The following ABCA2 variants were observed in gnomAD, a reference collection of about 807,000 sequenced individuals.
ABCA2 encodes ATP-binding cassette sub-family A member 2.
Under a neutral mutation model 262.8 loss-of-function variants are expected in ABCA2, and 84 were observed. That is an observed-to-expected ratio of 0.32 (90% CI 0.27 to 0.38). The LOEUF is 0.38. Among genes scored for constraint, ABCA2 ranks in the 10% least tolerant of loss-of-function variants. ABCA2 has a pLI of 1.00. For synonymous variants in ABCA2, 1,696 were observed against 1,502.9 expected (o/e 1.13, Z -2.97); for missense variants, 2,662 against 3,405.9 (o/e 0.78, Z 5.44).
Position 137,014,157 on chromosome 9 carries a change from G to A in ABCA2, c.4240+11C>T. The A allele has an allele frequency of 5.6e-6, 9 of 1,603,482 alleles. No individual in the cohort carries two copies. The highest frequency in any genetic ancestry group is 7.7e-6 in the Non-Finnish European group (9 of 1,175,118). On this transcript the variant is annotated intron_variant, in intron 27 of 48. Coordinates refer to ENST00000341511, the MANE Select transcript of ABCA2 (RefSeq NM_001606.5). ...TCCCTTGCTGTCCCAGCCTCACCCTGCCACCCCCACCTTGCAGGCTGACAT... is the reference window on the plus strand; with the variant it reads ...TCCCTTGCTGTCCCAGCCTCACCCTACCACCCCCACCTTGCAGGCTGACAT...
At chr9:137,022,083 GGGGGCGTGGCTTAGATGGT>G (rs1831478604) in intron 6 of ABCA2, 82 bp from the exon 7 acceptor site, 3 of 815,834 alleles carry the variant, frequency 3.7e-6, no homozygotes, top group East Asian at 2.9e-5. Flanking sequence ...ATGGACGTGT[GGGGGCGTGGCTTAGATGGT>G]GGGGGCGTGG....
rs765982580 is a variant in ABCA2 at position 137,014,016 on chromosome 9, C to A, written c.4263G>T (p.Ser1421=). 1 of 1,611,484 alleles carries A rather than the reference C, an allele frequency of 6.2e-7. No homozygotes were observed. The highest frequency in any genetic ancestry group is 8.5e-7 in the Non-Finnish European group (1 of 1,179,830). The change falls in exon 28 of 49, where the codon TCG becomes TCT. Residue 1421 remains serine (S), a synonymous_variant. Transcript: ENST00000341511. ...SLQEVEAEAL[S]RVGQGSRKLD... is the part of the protein sequence containing the mutation. ...GCTTGCGGCTGCCCTGGCCGACCCT[C>A]GACAGGGCCTCTGCCTCCACCTCTG...
intron 5 of ABCA2, 37 bp downstream of exon 5, chr9:137,022,665 G>T: frequency 6.3e-7 from 1 of 1,588,750 alleles, no homozygotes. Flanking sequence ...AGCTTTGCCC[G>T]CAGCCCTGCC....
Position 137,010,950 on chromosome 9 carries a change from GCCCCA to G in ABCA2, c.6056+18_6056+22del. Reference sequence around the variant, plus strand: ...CCATCCCTGCTCCCGCCCCGCCCCCGCCCCACCCCGCCCCCCACTCACTGTGGCCG... The same window carrying G: ...CCATCCCTGCTCCCGCCCCGCCCCCGCCCCGCCCCCCACTCACTGTGGCCG... On this transcript the variant is annotated intron_variant, in intron 39 of 48. Coordinates refer to ENST00000341511, the MANE Select transcript of ABCA2 (RefSeq NM_001606.5). 4.2e-6 allele frequency: 1 copy of G among 240,750 alleles called. No homozygotes were observed. 14.9% of individuals were successfully genotyped at this position (240,750 alleles called of 1,614,324 possible).
Position 137,009,567 on chromosome 9 carries a change from C to T in ABCA2, c.6708G>A (p.Gly2236=), listed in dbSNP as rs1471579581. Residue 2236 remains glycine (G), a synonymous_variant, in exon 44 of 49, where the codon GGG becomes GGA. Coordinates refer to ENST00000341511, the MANE Select transcript of ABCA2 (RefSeq NM_001606.5). ...TGTGTGATGTCAGCACCACTGAACG[C>T]CCTGTCTTGATGAGGTCAAGGATGA... The part of the protein sequence containing the change: ...WNLILDLIKT[G]RSVVLTSHSM... 4 of 1,612,792 alleles carry T rather than the reference C, an allele frequency of 2.5e-6. No individual in the cohort carries two copies. The highest frequency in any genetic ancestry group is 1.3e-5 in the African/African-American group (1 of 74,936).
In ABCA2 at chr9:137,018,782, C is replaced by T. The variant is rs772804718; in HGVS notation, c.1756G>A (p.Glu586Lys). Residue 586 changes from glutamate (E) to lysine (K), a missense_variant, in exon 13 of 49, where the codon GAG becomes AAG. Around this residue, in one of 12 missense-constraint regions of ABCA2, gnomAD observed 187 missense variants for 205.9 expected, o/e 0.91. Coordinates refer to ENST00000341511, the MANE Select transcript of ABCA2 (RefSeq NM_001606.5). ...AGGGTGTAGTTGACAATGCTCTCCT[C>T]GTCGGGGAAGCCCTTGAAGATGTCC... ...SVDIFKGFPD[E>K]ESIVNYTLNQ... 2 of 1,612,494 alleles carry T rather than the reference C, an allele frequency of 1.2e-6. No individual in the cohort carries two copies. The highest frequency in any genetic ancestry group is 2.7e-5 in the African/African-American group (2 of 74,820).
chr9:137,019,273 T>C lies in ABCA2; in HGVS notation c.1459A>G (p.Thr487Ala). The change falls in exon 11 of 49, where the codon ACT (threonine) becomes GCT (alanine). Residue 487 changes from threonine to alanine, a missense_variant. Thr to Ala is a moderately conservative substitution (Grantham distance 58, BLOSUM62 0). Transcript: ENST00000341511. This position sits in a 1 kb window ranked among gnomAD's most constrained non-coding sequence, Gnocchi z 4.4. ...TTGAGCCAGACCTGGGCATAGTGAG[T>C]CACGTTGCCCACAAAAGCAAAAGTC... ...NETFAFVGNVTHYAQVWLNIS... is the reference protein window; with the variant it reads ...NETFAFVGNVAHYAQVWLNIS... 1 of 1,612,304 alleles carries C rather than the reference T, an allele frequency of 6.2e-7. No homozygotes were observed. Among genetic ancestry groups the C allele is most frequent in the Non-Finnish European group, 8.5e-7 (1 of 1,179,768 alleles).
chr9:137,018,242 G>A lies in ABCA2; in HGVS notation c.1929C>T (p.Tyr643=). ...CGCCAGTATTGGGCCCAGGCCGCCA[G>A]TAGGCGCGGCGGATCTCGTTGGTTT... ...TEKTNEIRRA[Y]WRPGPNTGGR... Residue 643 remains tyrosine (Y), a synonymous_variant, in exon 14 of 49, where the codon TAC becomes TAT. Transcript: ENST00000341511. 6.2e-7 allele frequency: 1 copy of A among 1,611,532 alleles called. No homozygotes were observed. The highest frequency in any genetic ancestry group is 8.5e-7 in the Non-Finnish European group (1 of 1,179,726).
intron 1 of ABCA2, 59 bp from the exon 2 acceptor site, chr9:137,024,295 C>G (rs1034758506): frequency 3.1e-5 from 45 of 1,454,640 alleles, no homozygotes; most frequent in Non-Finnish European, 4.0e-5. Context: ...AGGCCCTCCC[C>G]AGCCTCCCAT....
At position 137,021,753 on chromosome 9, in the gene ABCA2, C is replaced by A; in HGVS notation, c.678+138G>T. The A allele has an allele frequency of 8.2e-7, 1 of 1,222,044 alleles. No individual in the cohort carries two copies. The highest frequency in any genetic ancestry group is 1.2e-6 in the Non-Finnish European group (1 of 866,808). 75.7% of individuals were successfully genotyped at this position (1,222,044 alleles called of 1,614,324 possible). On this transcript the variant is annotated intron_variant, in intron 7 of 48. Coordinates refer to ENST00000341511, the MANE Select transcript of ABCA2 (RefSeq NM_001606.5). This position sits in a 1 kb window ranked among gnomAD's most constrained non-coding sequence, Gnocchi z 6.0. ...GACATGCCTCTACCCCTCATGCCTG[C>A]CATAGACCCCTGGGACCCTCCCCCT...
rs760297048 is a variant in ABCA2, at chr9:137,014,010, G to A, written c.4269C>T (p.Val1423=). The A allele has an allele frequency of 2.7e-5, 44 of 1,611,494 alleles. No individual in the cohort carries two copies. The Admixed American group carries it at 3.7e-4, about 13-fold the overall frequency. ...CGTCCAGCTTGCGGCTGCCCTGGCC[G>A]ACCCTCGACAGGGCCTCTGCCTCCA... The part of the protein sequence containing the change: ...QEVEAEALSR[V]GQGSRKLDGG... The change falls in exon 28 of 49, where the codon GTC becomes GTT. Residue 1423 remains valine (V), a synonymous_variant. Coordinates refer to ENST00000341511, the MANE Select transcript of ABCA2 (RefSeq NM_001606.5).
Position 137,021,658 on chromosome 9 carries a change from C to T in ABCA2, c.679-48G>A, listed in dbSNP as rs1831458304. On this transcript the variant is annotated intron_variant, in intron 7 of 48. Transcript: ENST00000341511. The surrounding 1 kb of genome is among the most constrained non-coding windows in gnomAD (Gnocchi z 6.0). Reference sequence around the variant, plus strand: ...TGGAGCCACGGCAAGGACTTTGTCCCCAACCACTAGGGCCTCAGGCCTCAC... The same window carrying T: ...TGGAGCCACGGCAAGGACTTTGTCCTCAACCACTAGGGCCTCAGGCCTCAC... 6.6e-7 allele frequency: 1 copy of T among 1,526,004 alleles called. No homozygotes were observed. The highest frequency in any genetic ancestry group is 1.4e-5 in the African/African-American group (1 of 72,610). The allele number at this position is 1,526,004 out of a possible 1,614,324, so 94.5% of individuals were successfully genotyped here. A position where few individuals can be genotyped will look rare whatever the true frequency, so the allele number is the denominator to read the frequency against.
chr9:137,010,668 G>C lies in ABCA2; in HGVS notation c.6126C>G (p.Leu2042=), dbSNP rs778640238. The change falls in exon 40 of 49, where the codon CTC becomes CTG. Residue 2042 remains leucine (L), a synonymous_variant. Transcript: ENST00000341511. ...CCATGTCATTGTCGGCGTCTCCCCG[G>C]AGCACTCGCTGCCGCTCACTGGCCA... ...VDVASERQRV[L]RGDADNDMVK... 15 of 1,608,626 alleles carry C rather than the reference G, an allele frequency of 9.3e-6. No individual in the cohort carries two copies. In the East Asian group the frequency reaches 3.1e-4, roughly 34 times the overall value.
At chr9:137,008,313 T>C (rs1043834326) in intron 48 of ABCA2, 103 bp downstream of exon 48, 1 of 1,352,192 alleles carries the variant, frequency 7.4e-7, no homozygotes, top group Admixed American at 2.0e-5. Context: ...ACAGCAAGCA[T>C]CCTGGGGCCA....
At chr9:137,025,813 C>T (rs781449435) in intron 1 of ABCA2, among the ~76,000 whole-genome samples, 8 of 152,136 alleles carry the variant, frequency 5.3e-5, no homozygotes, top group South Asian at 2.1e-4. Context: ...GCAACGGCCT[C>T]GCACGAGCTA....
intron 45 of ABCA2, 45 bp downstream of exon 45, chr9:137,009,325 C>A (rs765307039): frequency 2.8e-5 from 30 of 1,054,994 alleles, no homozygotes; most frequent in Middle Eastern, 3.0e-4. Context: ...CTGGCCGCCC[C>A]CCCCGGGCCC....
chr9:137,018,272 G>T lies in ABCA2; in HGVS notation c.1899C>A (p.Thr633=). ...HYKIRQNSSF[T]EKTNEIRRAY... ...CGCGGCGGATCTCGTTGGTTTTCTC[G>T]GTGAAGCTGGAGTTCTGGCGGATCT... The change falls in exon 14 of 49, where the codon ACC becomes ACA. Residue 633 remains threonine (T), a synonymous_variant. Transcript: ENST00000341511. 6.2e-7 allele frequency: 1 copy of T among 1,610,696 alleles called. No individual in the cohort carries two copies.
At position 137,007,702 on chromosome 9, in the gene ABCA2, T is replaced by C; in HGVS notation, c.*227A>G. ...GCTTTAAGGCAAAGCAGGGCAAGGG[T>C]GTACGCAGCCCGGGCCGGGTCAGCC... On this transcript the variant is annotated 3_prime_UTR_variant, in exon 49 of 49. Transcript: ENST00000341511. 1 of 628,232 alleles carries C rather than the reference T, an allele frequency of 1.6e-6. No individual in the cohort carries two copies. Among genetic ancestry groups the C allele is most frequent in the Non-Finnish European group, 2.8e-6 (1 of 355,998 alleles). The allele number at this position is 628,232 out of a possible 1,614,324, so 38.9% of individuals were successfully genotyped here. A position where few individuals can be genotyped will look rare whatever the true frequency, so the allele number is the denominator to read the frequency against.
intron 29 of ABCA2, 31 bp downstream of exon 29, chr9:137,013,430 C>A (rs1330439471): frequency 6.3e-7 from 1 of 1,580,398 alleles, no homozygotes; most frequent in Non-Finnish European, 8.6e-7. Context: ...CTCGCCCCAC[C>A]CACCAAGGCT....
Sources: allele counts gnomAD v4.1 joint callset (sites outside exome capture counted in the v4.1 genomes callset), GRCh38; gene constraint gnomAD v4.1.1; regional missense constraint gnomAD v4.1.1; non-coding constraint Gnocchi (gnomAD v3.1); transcripts MANE v1.5; gene names NCBI Gene and HGNC (gene_info 2026-07-23, HGNC 2026-07-21).